Variants in ZFHX3 observed in about 807,000 individuals in gnomAD.
The protein encoded by ZFHX3 is zinc finger homeobox protein 3.
In ZFHX3, 42 loss-of-function variants were observed where a neutral mutation model predicts 279.1. That is an observed-to-expected ratio of 0.15 (90% CI 0.12 to 0.19). The LOEUF (loss-of-function observed/expected upper bound fraction) is 0.19. Ranked by LOEUF, ZFHX3 falls within the 10% of genes least tolerant of loss-of-function variation. ZFHX3 has a pLI of 1.00. For synonymous variants in ZFHX3, 2,293 were observed against 1,957.8 expected (o/e 1.17, Z -4.52); for missense variants, 4,981 against 4,754.0 (o/e 1.05, Z -1.40).
In ZFHX3 at chr16:72,958,955, G is replaced by A. The variant is rs999794945; in HGVS notation, c.1191C>T (p.Pro397=). Residue 397 remains proline, a synonymous_variant, in exon 2 of 10, where the codon CCC becomes CCT. Transcript: ENST00000268489. ...PEQPQAGLLT[P]STLLNLGGLT... ...GCCCGCCAAGGTTCAACAGGGTGCT[G>A]GGGGTCAAGAGACCAGCCTGGGGCT... is the stretch of plus-strand genomic sequence containing the variant. 6.3e-7 allele frequency: 1 copy of A among 1,598,572 alleles called. No homozygotes were observed. Among genetic ancestry groups the A allele is most frequent in the Non-Finnish European group, 8.5e-7 (1 of 1,172,604 alleles).
chr16:73,706,804 T>G (rs899736660), intron 1 of ZFHX3, among the ~76,000 whole-genome samples: 1 of 152,148 alleles, frequency 6.6e-6, no homozygotes, highest in Non-Finnish European at 1.5e-5. Flanking sequence ...TCCCCCACCC[T>G]CCACCCAGAA....
At chr16:73,771,807 C>T (rs1597107727) in intron 1 of ZFHX3, among the ~76,000 whole-genome samples, 2 of 149,746 alleles carry the variant, frequency 1.3e-5, no homozygotes, top group South Asian at 4.2e-4. Flanking sequence ...TCTCGCTTCA[C>T]TTTAGGCCAT....
At position 72,796,829 on chromosome 16, in the gene ZFHX3, G is replaced by T; in HGVS notation, c.5853C>A (p.Asn1951Lys). 2 of 1,613,506 alleles carry T rather than the reference G, an allele frequency of 1.2e-6. No homozygotes were observed. The highest frequency in any genetic ancestry group is 1.7e-6 in the Non-Finnish European group (2 of 1,179,928). Reference protein sequence around the residue: ...RGNATKALLENFGFELVIQYN... With the variant: ...RGNATKALLEKFGFELVIQYN... ...ACTGGATGACCAACTCAAAGCCAAAGTTCTCCAGCAGGGCCTTGGTGGCGT... is the reference window on the plus strand; with the variant it reads ...ACTGGATGACCAACTCAAAGCCAAATTTCTCCAGCAGGGCCTTGGTGGCGT... The change falls in exon 9 of 10, where the codon AAC (asparagine) becomes AAA (lysine). Residue 1951 changes from asparagine (N) to lysine (K), a missense_variant. Transcript: ENST00000268489.
chr16:73,775,676 C>A (rs555642669), intron 1 of ZFHX3, among the ~76,000 whole-genome samples: 3 of 152,110 alleles, frequency 2.0e-5, no homozygotes, highest in Non-Finnish European at 4.4e-5. Flanking sequence ...AGTAATTATT[C>A]GGCTCTACCT....
At chr16:73,516,072 A>G (rs1238887152) in intron 2 of ZFHX3, among the ~76,000 whole-genome samples, 1 of 152,234 alleles carries the variant, frequency 6.6e-6, no homozygotes, top group Non-Finnish European at 1.5e-5. Context: ...ACTCTTCACC[A>G]TCATCATTGA....
At chr16:73,789,413 C>A (rs952310730) in intron 1 of ZFHX3, among the ~76,000 whole-genome samples, 1 of 151,986 alleles carries the variant, frequency 6.6e-6, no homozygotes, top group South Asian at 2.1e-4. Context: ...ATTTCCTGAC[C>A]TCATGATCCG....
At chr16:73,585,822 T>C (rs2051920343) in intron 2 of ZFHX3, among the ~76,000 whole-genome samples, 1 of 151,718 alleles carries the variant, frequency 6.6e-6, no homozygotes. Flanking sequence ...GTTTCAGGAG[T>C]AGGAAAATGT....
At chr16:73,093,160 C>T (rs1258914613) in intron 8 of ZFHX3, 2 of 520,108 alleles carry the variant, frequency 3.8e-6, no homozygotes, top group South Asian at 1.4e-5. Context: ...CACGAGCCCT[C>T]ACCTCCAGCA....
intron 3 of ZFHX3, among the ~76,000 whole-genome samples, chr16:73,330,770 A>T (rs1339659353): frequency 1.3e-5 from 2 of 152,222 alleles, no homozygotes; most frequent in African/African-American, 2.4e-5. Context: ...GAGGTAATTA[A>T]AAGACAGATA....
At chr16:73,287,309 G>A (rs1318747473) in intron 4 of ZFHX3, among the ~76,000 whole-genome samples, 3 of 147,818 alleles carry the variant, frequency 2.0e-5, no homozygotes, top group Non-Finnish European at 3.0e-5. Context: ...GTGGGGTGGT[G>A]TGTGGGTGTG....
intron 1 of ZFHX3, among the ~76,000 whole-genome samples, chr16:73,025,110 C>T (rs991097362): frequency 6.6e-5 from 10 of 152,024 alleles, no homozygotes; most frequent in African/African-American, 1.5e-4. Flanking sequence ...GCAGGGGGAA[C>T]GAAGGGAGGG....
rs1250370532 is a variant in ZFHX3 at position 73,494,663 on chromosome 16, G to A, written c.-1546-38405C>T. Reference sequence around the variant, plus strand: ...GCAACCTCCGCCCACGGGTTCAAGCGATTCTCCTGCCTCAGCCTCCAGAGT... The same window carrying A: ...GCAACCTCCGCCCACGGGTTCAAGCAATTCTCCTGCCTCAGCCTCCAGAGT... On this transcript the variant is annotated intron_variant, in intron 2 of 17. Transcript: ENST00000641206. Among the ~76,000 whole-genome samples, 6 of 151,934 alleles carry A rather than the reference G, an allele frequency of 3.9e-5. No individual in the cohort carries two copies. The East Asian group carries it at 9.7e-4, about 24-fold the overall frequency.
intron 1 of ZFHX3, chr16:73,015,019 T>C (rs1964050303): frequency 6.7e-6 from 1 of 149,288 alleles, no homozygotes; most frequent in Non-Finnish European, 1.5e-5. Flanking sequence ...AGGCCTCAGA[T>C]GCTGTAATCA....
intron 1 of ZFHX3, among the ~76,000 whole-genome samples, chr16:72,961,452 A>C (rs1435426048): frequency 6.6e-6 from 1 of 152,186 alleles, no homozygotes; most frequent in South Asian, 2.1e-4. Flanking sequence ...CAGGCAGCTC[A>C]GCACCTCGCA....
intron 5 of ZFHX3, among the ~76,000 whole-genome samples, chr16:72,818,446 A>G (rs1180143682): frequency 6.6e-6 from 1 of 152,180 alleles, no homozygotes; most frequent in Non-Finnish European, 1.5e-5. Flanking sequence ...GTGGCCAAAG[A>G]TCTAGCTAAA....
intron 1 of ZFHX3, among the ~76,000 whole-genome samples, chr16:73,044,468 C>T (rs889497289): frequency 6.6e-6 from 1 of 152,212 alleles, no homozygotes; most frequent in Non-Finnish European, 1.5e-5. Flanking sequence ...CAGGCATCTT[C>T]AGTGTGCAGT....
intron 1 of ZFHX3, among the ~76,000 whole-genome samples, chr16:73,837,806 TGG>T (rs1961183852): frequency 6.6e-6 from 1 of 152,256 alleles, no homozygotes; most frequent in African/African-American, 2.4e-5. Context: ...CCGGCTAATT[TGG>T]TATTTTTAGT....
At chr16:73,142,976 T>C (rs1246819754) in intron 6 of ZFHX3, among the ~76,000 whole-genome samples, 2 of 152,152 alleles carry the variant, frequency 1.3e-5, no homozygotes, top group African/African-American at 4.8e-5. Context: ...AGGATACAAT[T>C]TGGTCTCTTC....
At chr16:73,439,919 AAAAAAAAAAAAAACAC>A (rs2018058927) in intron 3 of ZFHX3, among the ~76,000 whole-genome samples, 5 of 147,964 alleles carry the variant, frequency 3.4e-5, no homozygotes, top group Non-Finnish European at 4.4e-5. Context: ...CAAAAAAAAA[AAAAAAAAAAAAAACAC>A]AAAAAAAAAA....
Sources: gnomAD v4.1 joint callset for allele counts (sites outside exome capture counted in the v4.1 genomes callset) on GRCh38, gnomAD v4.1.1 for gene constraint, MANE v1.5 for transcripts, NCBI Gene and HGNC (gene_info 2026-07-23, HGNC 2026-07-21) for gene names.